Variants in DPP6 observed in about 807,000 individuals in gnomAD.
The protein encoded by DPP6 is A-type potassium channel modulatory protein DPP6.
Under a neutral mutation model 122.6 loss-of-function variants are expected in DPP6, and 69 were observed. The ratio of observed to expected loss-of-function variants is 0.56; its 90% CI spans 0.46 to 0.69. The LOEUF is 0.69. Ranked by LOEUF, DPP6 falls within the 30% of genes least tolerant of loss-of-function variation. The probability of loss-of-function intolerance (pLI) is 0.00; values close to 1 mark genes in which losing one functional copy is unlikely to be tolerated. For synonymous variants in DPP6, 418 were observed against 433.1 expected, an observed-to-expected ratio of 0.97 and a Z score of 0.43; for missense variants, 928 against 1,116.9, an observed-to-expected ratio of 0.83 and a Z score of 2.41.
At chr7:154,764,229 C>T (rs561521817) in intron 8 of DPP6, among the ~76,000 whole-genome samples, 1 of 152,216 alleles carries the variant, frequency 6.6e-6, no homozygotes, top group South Asian at 2.1e-4. Flanking sequence ...TGGAATTGAC[C>T]ACTCTCGCTC....
intron 1 of DPP6, among the ~76,000 whole-genome samples, chr7:153,957,143 G>T (rs2129025834): frequency 6.6e-6 from 1 of 152,340 alleles, no homozygotes; most frequent in East Asian, 1.9e-4. Flanking sequence ...AACATGGAAA[G>T]CTGAAGTAAA....
At chr7:154,284,887 C>T (rs1804754179) in intron 1 of DPP6, among the ~76,000 whole-genome samples, 1 of 151,938 alleles carries the variant, frequency 6.6e-6, no homozygotes, top group Non-Finnish European at 1.5e-5. Flanking sequence ...AAACATTATG[C>T]CAAATGACAT....
At chr7:153,839,663 C>T in the DPP6 span, among the ~76,000 whole-genome samples, 1 of 152,192 alleles carries the variant, frequency 6.6e-6, no homozygotes, top group Admixed American at 6.5e-5. Flanking sequence ...CAGTAGACAT[C>T]AATAGACTCT....
chr7:154,137,371 AT>A (rs1164754102), intron 1 of DPP6, among the ~76,000 whole-genome samples: 1 of 151,824 alleles, frequency 6.6e-6, no homozygotes, highest in Non-Finnish European at 1.5e-5. Context: ...CAGTTAGACC[AT>A]TTGAGTCACC....
chr7:154,405,973 C>G (rs556017342), intron 1 of DPP6, among the ~76,000 whole-genome samples: 1 of 152,082 alleles, frequency 6.6e-6, no homozygotes, highest in Non-Finnish European at 1.5e-5. Context: ...AAATGCGATG[C>G]GTAACATAAA....
intron 1 of DPP6, among the ~76,000 whole-genome samples, chr7:154,174,720 G>A (rs1797707978): frequency 6.6e-6 from 1 of 152,110 alleles, no homozygotes; most frequent in Non-Finnish European, 1.5e-5. Context: ...ATATTTTTCA[G>A]GAGACATCGA....
At chr7:153,888,781 A>G (rs1044970947) in intron 1 of DPP6, among the ~76,000 whole-genome samples, 61 of 138,812 alleles carry the variant, frequency 4.4e-4, no homozygotes, top group African/African-American at 1.7e-3. Context: ...AAGGTTCTGC[A>G]GATTTGCAGA....
chr7:154,726,436 T>C (rs1586965197), intron 7 of DPP6, among the ~76,000 whole-genome samples: 1 of 152,184 alleles, frequency 6.6e-6, no homozygotes, highest in South Asian at 2.1e-4. Flanking sequence ...CCACCAAGAC[T>C]TGGGGCTTGC....
intron 1 of DPP6, among the ~76,000 whole-genome samples, chr7:154,063,516 G>A (rs138516104): frequency 0.24 from 21,022 of 88,206 alleles, 3,897 homozygotes; most frequent in South Asian, 0.26. Flanking sequence ...GACCCCCATC[G>A]CAGGAGGGGG....
chr7:154,842,048 A>G (rs1263134443), intron 16 of DPP6, among the ~76,000 whole-genome samples: 2 of 152,218 alleles, frequency 1.3e-5, no homozygotes, highest in African/African-American at 4.8e-5. Flanking sequence ...GTTTATTAGT[A>G]TGATAATATC....
intron 1 of DPP6, among the ~76,000 whole-genome samples, chr7:154,345,315 A>T (rs955975599): frequency 6.6e-6 from 1 of 152,144 alleles, no homozygotes; most frequent in Non-Finnish European, 1.5e-5. Context: ...TTACCACCTG[A>T]TACCATCCCA....
chr7:153,949,127 G>T (rs538248900), intron 1 of DPP6, among the ~76,000 whole-genome samples: 1 of 152,206 alleles, frequency 6.6e-6, no homozygotes, highest in Non-Finnish European at 1.5e-5. Flanking sequence ...GTCTCTGCCC[G>T]GAGCATCGGC....
chr7:153,809,987 A>G, the DPP6 span, among the ~76,000 whole-genome samples: 1 of 152,264 alleles, frequency 6.6e-6, no homozygotes, highest in South Asian at 2.1e-4. Context: ...TGCCTTAAAG[A>G]AGCTACCATT....
Position 154,642,214 on chromosome 7 carries a change from C to T in DPP6, c.680+4341C>T, listed in dbSNP as rs533508412. ...CACATAGACCTGAACTTGAACCCATCGTGCTGCTGACTTCTGGTTGTGTGA... is the reference window on the plus strand; with the variant it reads ...CACATAGACCTGAACTTGAACCCATTGTGCTGCTGACTTCTGGTTGTGTGA... On this transcript the variant is annotated intron_variant, in intron 6 of 25. Transcript: ENST00000377770. 2.6e-4 allele frequency among the ~76,000 whole-genome samples: 39 copies of T among 152,248 alleles called. No individual in the cohort carries two copies. In the South Asian group the frequency reaches 7.5e-3, roughly 29 times the overall value.
At chr7:154,063,630 C>T (rs143188763) in intron 1 of DPP6, among the ~76,000 whole-genome samples, 1 of 80,894 alleles carries the variant, frequency 1.2e-5, no homozygotes, top group Non-Finnish European at 2.3e-5. Context: ...GAGGCAGGGA[C>T]TGAGAGCCAC....
chr7:154,862,058 A>G (rs1803454104), intron 17 of DPP6, among the ~76,000 whole-genome samples: 2 of 152,200 alleles, frequency 1.3e-5, no homozygotes. Flanking sequence ...TCAAAGGATG[A>G]CAAGCCGACC....
intron 1 of DPP6, among the ~76,000 whole-genome samples, chr7:153,928,288 T>G (rs1016766100): frequency 6.6e-6 from 1 of 151,102 alleles, no homozygotes; most frequent in African/African-American, 2.4e-5. Flanking sequence ...CTTGGCTCAC[T>G]GCAACCTCCG....
intron 3 of DPP6, among the ~76,000 whole-genome samples, chr7:154,532,671 G>T (rs1468918688): frequency 1.3e-5 from 2 of 151,872 alleles, no homozygotes; most frequent in African/African-American, 2.4e-5. Context: ...TCCTACTAAA[G>T]CATAACCTGT....
chr7:154,757,134 C>G (rs1039586068), intron 8 of DPP6, among the ~76,000 whole-genome samples: 7 of 151,704 alleles, frequency 4.6e-5, no homozygotes, highest in Admixed American at 2.0e-4. Context: ...CAGGCCAGCC[C>G]CTTCTCCATC....
Sources: gnomAD v4.1 joint callset for allele counts (sites outside exome capture counted in the v4.1 genomes callset) on GRCh38, gnomAD v4.1.1 for gene constraint, MANE v1.5 for transcripts, NCBI Gene and HGNC (gene_info 2026-07-23, HGNC 2026-07-21) for gene names.